Variants in CDH13 observed in about 807,000 individuals in gnomAD.
The protein encoded by CDH13 is cadherin-13.
In CDH13, 24 loss-of-function variants were observed where a neutral mutation model predicts 63.8. The ratio of observed to expected loss-of-function variants is 0.38; its 90% confidence interval spans 0.27 to 0.53. CDH13 has a LOEUF of 0.53. Ranked by LOEUF, CDH13 falls within the 20% of genes least tolerant of loss-of-function variation. The pLI, the probability that CDH13 is intolerant of heterozygous loss-of-function variation, is 0.85. For missense variants in CDH13, 1,049 were observed against 903.1 expected (o/e 1.16, Z -2.07); for synonymous variants, 503 against 355.3 (o/e 1.42, Z -4.67).
In CDH13 at chr16:82,828,279, G is replaced by A. The variant is rs117227440; in HGVS notation, c.46-30083G>A. On this transcript the variant is annotated intron_variant, in intron 1 of 13. Coordinates refer to ENST00000567109, the MANE Select transcript of CDH13 (RefSeq NM_001257.5). The stretch of plus-strand genomic sequence containing the variant: ...CTGTTTCACACACAGTCAGCCCTTC[G>A]TATCCACAGGCTCCACATCTGCGGA... 1.0e-3 allele frequency among the ~76,000 whole-genome samples: 158 copies of A among 152,210 alleles called. 2 individuals carry two copies. The East Asian group carries it at 0.026, about 25-fold the overall frequency.
Position 82,781,256 on chromosome 16 carries a change from A to G in CDH13, c.46-77106A>G, listed in dbSNP as rs548873880. 2.0e-5 allele frequency among the ~76,000 whole-genome samples: 3 copies of G among 152,356 alleles called. No homozygotes were observed. In the South Asian group the frequency reaches 6.2e-4, roughly 32 times the overall value. On this transcript the variant is annotated intron_variant, in intron 1 of 13. Coordinates refer to ENST00000567109, the MANE Select transcript of CDH13 (RefSeq NM_001257.5). ...AGGGAAACATTATACCAATTGGCCT[A>G]TAGCTTGAAATTACAGCATTCTCTA...
rs562533642 is a variant in CDH13, at chr16:83,121,424, T to G, written c.367-3961T>G. 3.0e-4 allele frequency among the ~76,000 whole-genome samples: 45 copies of G among 152,332 alleles called. No individual in the cohort carries two copies. In the South Asian group the frequency reaches 9.1e-3, roughly 31 times the overall value. On this transcript the variant is annotated intron_variant, in intron 3 of 13. Transcript: ENST00000567109. ...TGATTAAGGAGGGATAAGATTTACT[T>G]TGGAGGTCTGTTGGAAATATTTGAG... is the stretch of plus-strand genomic sequence containing the variant.
intron 1 of CDH13, among the ~76,000 whole-genome samples, chr16:82,802,075 C>T (rs2036886131): frequency 6.6e-6 from 1 of 151,032 alleles, no homozygotes; most frequent in South Asian, 2.1e-4. Context: ...AGCTGTGCCC[C>T]ACTGGGGCAG....
At chr16:83,387,153 A>T (rs1274786943) in intron 6 of CDH13, among the ~76,000 whole-genome samples, 1 of 152,146 alleles carries the variant, frequency 6.6e-6, no homozygotes, top group Non-Finnish European at 1.5e-5. Context: ...CTGCCCCAGG[A>T]ACTTATCCAA....
chr16:82,702,660 A>T (rs1344715538), intron 1 of CDH13, among the ~76,000 whole-genome samples: 1 of 152,204 alleles, frequency 6.6e-6, no homozygotes, highest in African/African-American at 2.4e-5. Context: ...AAATAGTTTT[A>T]TTGTAATTGT....
intron 7 of CDH13, among the ~76,000 whole-genome samples, chr16:83,555,610 C>G (rs1414239795): frequency 6.6e-6 from 1 of 152,204 alleles, no homozygotes; most frequent in Non-Finnish European, 1.5e-5. Context: ...ATGTGTGATA[C>G]TTAGCATAAG....
intron 1 of CDH13, among the ~76,000 whole-genome samples, chr16:82,664,107 G>T (rs1912305042): frequency 6.6e-6 from 1 of 152,248 alleles, no homozygotes; most frequent in Non-Finnish European, 1.5e-5. Context: ...TTCGAAGTCA[G>T]TGAGACAAGG....
intron 6 of CDH13, among the ~76,000 whole-genome samples, chr16:83,358,180 A>G (rs1320342919): frequency 1.3e-5 from 2 of 152,178 alleles, no homozygotes; most frequent in Non-Finnish European, 2.9e-5. Flanking sequence ...CCTGGCAGCT[A>G]AATGTGGTGA....
At chr16:83,625,317 C>T (rs886635313) in intron 8 of CDH13, among the ~76,000 whole-genome samples, 1 of 152,152 alleles carries the variant, frequency 6.6e-6, no homozygotes, top group East Asian at 1.9e-4. Flanking sequence ...AATTCTTCCA[C>T]GCTGGTTTAT....
chr16:82,886,316 T>A (rs2040884393), intron 2 of CDH13, among the ~76,000 whole-genome samples: 1 of 152,214 alleles, frequency 6.6e-6, no homozygotes, highest in Non-Finnish European at 1.5e-5. Context: ...CAAAGCTGAA[T>A]CATATTGCCA....
chr16:83,784,580 C>G (rs1915753302), intron 13 of CDH13, among the ~76,000 whole-genome samples: 1 of 142,296 alleles, frequency 7.0e-6, no homozygotes, highest in African/African-American at 2.7e-5. Context: ...TGCAGTGAGC[C>G]AAGATCATGC....
At chr16:83,221,848 G>C (rs1008225052) in intron 5 of CDH13, among the ~76,000 whole-genome samples, 12 of 152,044 alleles carry the variant, frequency 7.9e-5, no homozygotes, top group African/African-American at 2.7e-4. Context: ...TGGAAGAAGA[G>C]GCAAAACTAA....
At chr16:83,477,120 G>A (rs1049221349) in intron 6 of CDH13, among the ~76,000 whole-genome samples, 21 of 152,172 alleles carry the variant, frequency 1.4e-4, no homozygotes, top group Non-Finnish European at 2.2e-4. Flanking sequence ...CCAGAAAGAA[G>A]GGCAGACACT....
intron 7 of CDH13, among the ~76,000 whole-genome samples, chr16:83,497,517 G>A (rs1276254532): frequency 8.3e-6 from 1 of 119,892 alleles, no homozygotes; most frequent in Admixed American, 9.5e-5. Context: ...GTTGTGGGGT[G>A]GGGGGAGGGG....
chr16:82,889,344 A>G (rs1404435597), intron 2 of CDH13, among the ~76,000 whole-genome samples: 1 of 151,268 alleles, frequency 6.6e-6, no homozygotes, highest in Non-Finnish European at 1.5e-5. Flanking sequence ...CTATCTACCA[A>G]CCAACCAACC....
intron 1 of CDH13, among the ~76,000 whole-genome samples, chr16:82,661,921 G>A (rs1911995368): frequency 1.3e-5 from 2 of 152,192 alleles, no homozygotes; most frequent in Admixed American, 1.3e-4. Flanking sequence ...ACATGTGACT[G>A]TTTACATTTC....
intron 3 of CDH13, among the ~76,000 whole-genome samples, chr16:83,117,748 C>G (rs928110841): frequency 4.6e-5 from 7 of 152,170 alleles, no homozygotes; most frequent in African/African-American, 1.7e-4. Flanking sequence ...TCCTGCCTTC[C>G]TGTTTCCCTG....
chr16:83,333,893 T>A (rs1003324426), intron 5 of CDH13, among the ~76,000 whole-genome samples: 6 of 152,194 alleles, frequency 3.9e-5, no homozygotes, highest in Non-Finnish European at 4.4e-5. Context: ...TAATGTCCTA[T>A]GGCTGCTGTA....
chr16:83,762,000 G>A (rs1914011786), intron 11 of CDH13, among the ~76,000 whole-genome samples: 1 of 151,726 alleles, frequency 6.6e-6, no homozygotes, highest in African/African-American at 2.4e-5. Context: ...CTGGGAGGCA[G>A]AGGTTGCAGT....
Sources: allele counts gnomAD v4.1 joint callset (sites outside exome capture counted in the v4.1 genomes callset), GRCh38; gene constraint gnomAD v4.1.1; transcripts MANE v1.5; gene names NCBI Gene and HGNC (gene_info 2026-07-23, HGNC 2026-07-21).